PHACTR2: variants seen among roughly 807,000 people sequenced by gnomAD.
PHACTR2 encodes phosphatase and actin regulator 2.
Under a neutral mutation model 76.0 loss-of-function variants are expected in PHACTR2, and 30 were observed. The observed-to-expected ratio is 0.39, with a 90% CI of 0.30 to 0.54. The LOEUF (loss-of-function observed/expected upper bound fraction) is 0.54. PHACTR2 is among the 20% of genes least tolerant of loss of function. PHACTR2 has a pLI of 0.61. For missense variants in PHACTR2, 696 were observed against 781.1 expected (o/e 0.89, Z 1.30); for synonymous variants, 292 against 292.5 (o/e 1.00, Z 0.02).
chr6:143,637,089 G>C (rs1430584553), intron 1 of PHACTR2, among the ~76,000 whole-genome samples: 1 of 152,208 alleles, frequency 6.6e-6, no homozygotes, highest in Admixed American at 6.5e-5. Flanking sequence ...TTCAGTGGTA[G>C]GGATGGAGTG....
intron 1 of PHACTR2, among the ~76,000 whole-genome samples, chr6:143,629,343 A>G (rs1031023615): frequency 7.2e-5 from 11 of 152,126 alleles, no homozygotes; most frequent in African/African-American, 2.4e-4. Flanking sequence ...TTTTCCTTTC[A>G]GTGGTATTTT....
At chr6:143,538,433 G>A (rs939574031) in intron 1 of PHACTR2, among the ~76,000 whole-genome samples, 1 of 152,244 alleles carries the variant, frequency 6.6e-6, no homozygotes, top group Non-Finnish European at 1.5e-5. Flanking sequence ...GATGCGTCAA[G>A]TTTCCACCAG....
intron 10 of PHACTR2, among the ~76,000 whole-genome samples, chr6:143,785,305 A>C (rs1363493753): frequency 6.6e-6 from 1 of 152,178 alleles, no homozygotes; most frequent in African/African-American, 2.4e-5. Context: ...GGGGCAGCCA[A>C]ATTTTAAAGG....
rs374774269 is a variant in PHACTR2 at position 143,733,948 on chromosome 6, CA to C, written c.215-15036del. 9.9e-5 allele frequency among the ~76,000 whole-genome samples: 15 copies of C among 152,278 alleles called. No homozygotes were observed. The South Asian group carries it at 2.5e-3, about 25-fold the overall frequency. Reference sequence around the variant, plus strand: ...CTAAAGGTATATAATTGTGTTAAAACAGATTTCCTCTATGTGCTCTAAATAT... The same window carrying C: ...CTAAAGGTATATAATTGTGTTAAAACGATTTCCTCTATGTGCTCTAAATAT... On this transcript the variant is annotated intron_variant, in intron 2 of 12. Coordinates refer to ENST00000440869, the MANE Select transcript of PHACTR2 (RefSeq NM_001100164.2). This position sits in a 1 kb window ranked among gnomAD's most constrained non-coding sequence, Gnocchi z 4.0.
rs1776972349 is a variant in PHACTR2, at chr6:143,663,183, G to A, written c.14-48833G>A. Among the ~76,000 whole-genome samples the A allele has an allele frequency of 1.3e-5, 2 of 152,186 alleles. No individual in the cohort carries two copies. Among genetic ancestry groups the A allele is most frequent in the South Asian group, 4.1e-4 (2 of 4,830 alleles). ...CACAGTGATGAACGTACGAGTGCAT[G>A]TGTCTTTTTGCTATAGTGATCTATT... On this transcript the variant is annotated intron_variant, in intron 1 of 11. Transcript: ENST00000305766. The surrounding 1 kb of genome is among the most constrained non-coding windows in gnomAD (Gnocchi z 4.1).
intron 1 of PHACTR2, among the ~76,000 whole-genome samples, chr6:143,636,348 C>T (rs1035865654): frequency 2.0e-5 from 3 of 152,084 alleles, no homozygotes; most frequent in Admixed American, 6.5e-5. Context: ...TTGGGATCCC[C>T]ATTTATTTTC....
chr6:143,749,135 T>G (rs1779131973), intron 3 of PHACTR2, 70 bp downstream of exon 3: 3 of 826,388 alleles, frequency 3.6e-6, no homozygotes, highest in Non-Finnish European at 6.1e-6. Context: ...TGTTTTCTTT[T>G]GAAATTTAAA....
At position 143,761,683 on chromosome 6, in the gene PHACTR2, G is replaced by A. The variant is rs141378584; in HGVS notation, c.694+1043G>A. ...GCAGGAAAATCGCTTGAACCCAGGA[G>A]GCAGAAGTTGCGGTGAGCTGAGATC... On this transcript the variant is annotated intron_variant, in intron 5 of 12. Transcript: ENST00000440869. The surrounding 1 kb of genome is among the most constrained non-coding windows in gnomAD (Gnocchi z 5.2). Among the ~76,000 whole-genome samples the A allele has an allele frequency of 0.031, 4,723 of 152,134 alleles. 118 individuals are homozygous for A. The highest frequency in any genetic ancestry group is 0.047 in the Non-Finnish European group (3,212 of 67,994).
In PHACTR2 at chr6:143,820,235, C is replaced by T. The variant is rs1290462886; in HGVS notation, c.1923-3439C>T. Among the ~76,000 whole-genome samples, 2 of 152,162 alleles carry T rather than the reference C, an allele frequency of 1.3e-5. No individual in the cohort carries two copies. Among genetic ancestry groups the T allele is most frequent in the Admixed American group, 6.5e-5 (1 of 15,274 alleles). On this transcript the variant is annotated intron_variant, in intron 12 of 12. Transcript: ENST00000440869. This position sits in a 1 kb window ranked among gnomAD's most constrained non-coding sequence, Gnocchi z 4.2. Reference sequence around the variant, plus strand: ...GTATCATTTTGACCCTGGCTGCTCCCAAATCTCATGTCCTTCTCACATTTC... The same window carrying T: ...GTATCATTTTGACCCTGGCTGCTCCTAAATCTCATGTCCTTCTCACATTTC...
At position 143,678,981 on chromosome 6, in the gene PHACTR2, G is replaced by A. The variant is rs746595633; in HGVS notation, c.46+772G>A. Among the ~76,000 whole-genome samples, 21 of 151,378 alleles carry A rather than the reference G, an allele frequency of 1.4e-4. 1 individual carries two copies. The highest frequency in any genetic ancestry group is 3.9e-4 in the Admixed American group (6 of 15,224). On this transcript the variant is annotated intron_variant, in intron 1 of 12. Transcript: ENST00000440869. The surrounding 1 kb of genome is among the most constrained non-coding windows in gnomAD (Gnocchi z 6.2). The stretch of plus-strand genomic sequence containing the variant: ...CTGTTTGGTGGTGTTACTTGTGATT[G>A]GATAAGGAAATAAATTTAAAAGGTA...
At chr6:143,681,644 A>T (rs1777390469) in intron 1 of PHACTR2, among the ~76,000 whole-genome samples, 1 of 152,206 alleles carries the variant, frequency 6.6e-6, no homozygotes, top group Non-Finnish European at 1.5e-5. Flanking sequence ...TTGGTATCAC[A>T]TCTGAGAACT....
chr6:143,702,780 T>A, intron 1 of PHACTR2, among the ~76,000 whole-genome samples: 1 of 90,060 alleles, frequency 1.1e-5, no homozygotes, highest in Non-Finnish European at 2.7e-5. Flanking sequence ...CAACTTTTTT[T>A]TTTTTTTTTT....
rs1245033985 is a variant in PHACTR2, at chr6:143,608,788, G to A, written c.13+466G>A. Among the ~76,000 whole-genome samples, 1 of 152,098 alleles carries A rather than the reference G, an allele frequency of 6.6e-6. No homozygotes were observed. Among genetic ancestry groups the A allele is most frequent in the Non-Finnish European group, 1.5e-5 (1 of 68,028 alleles). ...CATCTTCACGTTAGGATGCAATGTC[G>A]AAAATGTTTCGATAGCCTCTGATAT... On this transcript the variant is annotated intron_variant, in intron 1 of 11. Transcript: ENST00000305766. The surrounding 1 kb of genome is among the most constrained non-coding windows in gnomAD (Gnocchi z 4.6).
intron 5 of PHACTR2, among the ~76,000 whole-genome samples, chr6:143,762,976 A>T (rs1779473959): frequency 6.6e-6 from 1 of 152,196 alleles, no homozygotes; most frequent in South Asian, 2.1e-4. Flanking sequence ...AAAAACTATA[A>T]TGTGGCTTGA....
chr6:143,745,078 G>A (rs369352658), intron 2 of PHACTR2, among the ~76,000 whole-genome samples: 1 of 152,198 alleles, frequency 6.6e-6, no homozygotes, highest in East Asian at 1.9e-4. Context: ...GACATTCAGC[G>A]ACCTGTGCCC....
chr6:143,790,690 T>TC (rs1775660776), intron 11 of PHACTR2, among the ~76,000 whole-genome samples: 2 of 151,912 alleles, frequency 1.3e-5, no homozygotes, highest in East Asian at 3.9e-4. Context: ...TTTTTTTTTT[T>TC]TGAGACGGAG....
At chr6:143,542,889 C>T (rs566311488) in intron 1 of PHACTR2, among the ~76,000 whole-genome samples, 1 of 152,342 alleles carries the variant, frequency 6.6e-6, no homozygotes, top group South Asian at 2.1e-4. Context: ...CATGAAGTCA[C>T]AGTGCCAACA....
At chr6:143,804,996 G>A (rs1477930460) in intron 11 of PHACTR2, among the ~76,000 whole-genome samples, 1 of 152,136 alleles carries the variant, frequency 6.6e-6, no homozygotes, top group Non-Finnish European at 1.5e-5. Flanking sequence ...TTCCAGATAA[G>A]AAAATTGGGG....
At position 143,712,065 on chromosome 6, in the gene PHACTR2, A is replaced by G; in HGVS notation, c.96A>G (p.Ala32=). The G allele has an allele frequency of 6.3e-7, 1 of 1,598,616 alleles. No individual in the cohort carries two copies. Among genetic ancestry groups the G allele is most frequent in the Non-Finnish European group, 8.5e-7 (1 of 1,174,308 alleles). The part of the protein sequence containing the change: ...ASIANSDGPT[A]GSQTPPFKRK... Reference sequence around the variant, plus strand: ...TAGCAAACTCAGATGGCCCCACAGCAGGTTCCCAAACACCTCCCTTCAAAA... The same window carrying G: ...TAGCAAACTCAGATGGCCCCACAGCGGGTTCCCAAACACCTCCCTTCAAAA... Residue 32 remains alanine, a synonymous_variant, in exon 2 of 13, where the codon GCA becomes GCG. Coordinates refer to ENST00000440869, the MANE Select transcript of PHACTR2 (RefSeq NM_001100164.2).
Sources: allele counts gnomAD v4.1 joint callset (sites outside exome capture counted in the v4.1 genomes callset), GRCh38; gene constraint gnomAD v4.1.1; non-coding constraint Gnocchi (gnomAD v3.1); transcripts MANE v1.5; gene names NCBI Gene and HGNC (gene_info 2026-07-23, HGNC 2026-07-21).